The following GLDC variants were observed in gnomAD, a reference collection of about 807,000 sequenced individuals.
GLDC encodes the protein glycine dehydrogenase (decarboxylating), mitochondrial.
In GLDC, 104 loss-of-function variants were observed where a neutral mutation model predicts 121.3. The observed-to-expected ratio is 0.86, with a 90% CI of 0.73 to 1.01. The LOEUF is 1.01. Ranked by LOEUF, GLDC falls within the 50% of genes least tolerant of loss-of-function variation. GLDC has a pLI of 0.00. For missense variants in GLDC, 1,429 were observed against 1,306.6 expected (o/e 1.09, Z -1.44); for synonymous variants, 546 against 480.6 (o/e 1.14, Z -1.78).
intron 8 of GLDC, 121 bp downstream of exon 8, chr9:6,601,988 C>A (rs1818620293): frequency 4.2e-6 from 3 of 714,208 alleles, no homozygotes; most frequent in South Asian, 1.5e-5. Flanking sequence ...AAGATCTTGC[C>A]ATTTCTGGTG....
At chr9:6,542,539 A>C (rs559226902) in intron 21 of GLDC, among the ~76,000 whole-genome samples, 1 of 152,024 alleles carries the variant, frequency 6.6e-6, no homozygotes, top group African/African-American at 2.4e-5. Flanking sequence ...CGCCCAGGCA[A>C]AACATGCTTT....
In GLDC at chr9:6,605,275, A is replaced by C. The variant is rs1436586216; in HGVS notation, c.717T>G (p.Tyr239Ter). The change falls in exon 6 of 25, where the codon TAT (tyrosine) becomes TAG (stop). Residue 239 changes from tyrosine (Y) to a stop codon, truncating the protein, a stop_gained. Coordinates refer to ENST00000321612, the MANE Select transcript of GLDC (RefSeq NM_000170.3). LOFTEE classifies it high-confidence loss of function. ...ACTTCAGCTCAGTGAGGACTCCAGT[A>C]TATCTGGAAAGACAGACAACAAAGA... ...TIAVVQTRAK[Y>*]TGVLTELKLP... The C allele has an allele frequency of 6.2e-7, 1 of 1,613,644 alleles. No homozygotes were observed. Among genetic ancestry groups the C allele is most frequent in the Non-Finnish European group, 8.5e-7 (1 of 1,179,532 alleles).
chr9:6,542,793 G>T (rs1262345705), intron 21 of GLDC, among the ~76,000 whole-genome samples: 1 of 151,242 alleles, frequency 6.6e-6, no homozygotes, highest in Non-Finnish European at 1.5e-5. Flanking sequence ...GGCTGAGGTG[G>T]GAGAATCATT....
At chr9:6,597,138 C>A (rs537525615) in intron 8 of GLDC, among the ~76,000 whole-genome samples, 1 of 152,234 alleles carries the variant, frequency 6.6e-6, no homozygotes, top group South Asian at 2.1e-4. Context: ...ATTGTATGAT[C>A]CCATTTATAT....
chr9:6,594,692 T>C (rs1470418106), intron 9 of GLDC, among the ~76,000 whole-genome samples: 1 of 144,340 alleles, frequency 6.9e-6, no homozygotes, highest in Non-Finnish European at 1.5e-5. Context: ...AAGACTCCAT[T>C]AAGCAAGGAA....
At chr9:6,639,438 G>T in intron 2 of GLDC, 1 of 910,034 alleles carries the variant, frequency 1.1e-6, no homozygotes. Context: ...TGTGTTCATT[G>T]TGGATGTTAA....
intron 4 of GLDC, among the ~76,000 whole-genome samples, chr9:6,606,876 C>A (rs1818745387): frequency 6.6e-6 from 1 of 151,862 alleles, no homozygotes; most frequent in Non-Finnish European, 1.5e-5. Flanking sequence ...AGTTCGAGAC[C>A]AGCCTGGCCA....
At chr9:6,563,254 GGT>G (rs1206989231) in intron 16 of GLDC, among the ~76,000 whole-genome samples, 2 of 152,216 alleles carry the variant, frequency 1.3e-5, no homozygotes, top group African/African-American at 4.8e-5. Flanking sequence ...GCTACTTCCT[GGT>G]GTCAGATTGG....
At position 6,606,543 on chromosome 9, in the gene GLDC, G is replaced by GATGAAC. The variant is rs755753237; in HGVS notation, c.713+43_713+48dup. The GATGAAC allele has an allele frequency of 4.0e-5, 41 of 1,036,778 alleles. No homozygotes were observed. In the South Asian group the frequency reaches 5.2e-4, roughly 13 times the overall value. The allele number at this position is 1,036,778 out of a possible 1,614,324, so 64.2% of individuals were successfully genotyped here. ...GTGAGAAAGAGAAAGAAACAGCAGA[G>GATGAAC]ATGAACATGACATTATACTGAGTTT... On this transcript the variant is annotated intron_variant, in intron 5 of 24. Coordinates refer to ENST00000321612, the MANE Select transcript of GLDC (RefSeq NM_000170.3).
chr9:6,585,388 C>T (rs1172092892), intron 15 of GLDC, among the ~76,000 whole-genome samples: 1 of 152,166 alleles, frequency 6.6e-6, no homozygotes. Flanking sequence ...TCAGAATTCA[C>T]TGAGGTTTGT....
chr9:6,588,367 G>A (rs192006997), intron 14 of GLDC, 34 bp downstream of exon 14: 6 of 1,512,332 alleles, frequency 4.0e-6, no homozygotes, highest in East Asian at 2.3e-5. Context: ...ACTGCCCCTT[G>A]CTGAGTATCC....
intron 8 of GLDC, among the ~76,000 whole-genome samples, chr9:6,598,120 C>T (rs568849378): frequency 6.6e-6 from 1 of 152,116 alleles, no homozygotes; most frequent in Non-Finnish European, 1.5e-5. Flanking sequence ...CCTGGACCTC[C>T]CCAGCTCAAG....
chr9:6,594,511 C>T (rs1219969235), intron 9 of GLDC, among the ~76,000 whole-genome samples: 1 of 152,090 alleles, frequency 6.6e-6, no homozygotes, highest in Non-Finnish European at 1.5e-5. Context: ...GCCTGGAAAA[C>T]ATGGCAAAGC....
Position 6,554,673 on chromosome 9 carries a change from C to T in GLDC, c.2311G>A (p.Gly771Arg), listed in dbSNP as rs386833553. The T allele has an allele frequency of 1.1e-5, 17 of 1,607,430 alleles. No homozygotes were observed. The highest frequency in any genetic ancestry group is 4.0e-5 in the African/African-American group (3 of 74,792). ...AACCAGCAGCCCAGAACTTACACTC[C>T]GATGGGCCCCATGCCAGGACCACCT... ...GGGGPGMGPI[G>R]VKKHLAPFLP... The change falls in exon 19 of 25, where the codon GGA becomes AGA. Residue 771 changes from glycine (G) to arginine (R), a missense_variant. Gly to Arg is a moderately radical substitution (Grantham distance 125, BLOSUM62 -2). Transcript: ENST00000321612.
chr9:6,557,643 A>G (rs1817663385), intron 17 of GLDC: 2 of 152,130 alleles, frequency 1.3e-5, no homozygotes, highest in Admixed American at 1.3e-4. Flanking sequence ...AAAAAAAAAA[A>G]AAAAGAATTC....
At chr9:6,597,218 G>C (rs1179609467) in intron 8 of GLDC, among the ~76,000 whole-genome samples, 1 of 152,192 alleles carries the variant, frequency 6.6e-6, no homozygotes, top group South Asian at 2.1e-4. Flanking sequence ...CTATAGGAAG[G>C]GGAGAGGGAT....
chr9:6,637,957 GAGATT>G (rs1819541529), intron 2 of GLDC, among the ~76,000 whole-genome samples: 1 of 151,056 alleles, frequency 6.6e-6, no homozygotes, highest in Non-Finnish European at 1.5e-5. Flanking sequence ...CCAAAGTGCT[GAGATT>G]ACAGGTGTCA....
chr9:6,546,681 G>A (rs555871881), intron 21 of GLDC, among the ~76,000 whole-genome samples: 2 of 152,020 alleles, frequency 1.3e-5, no homozygotes, highest in South Asian at 2.1e-4. Context: ...AATGATGGGG[G>A]CCAGACGCAG....
Position 6,645,569 on chromosome 9 carries a change from G to T in GLDC, c.-70C>A. On this transcript the variant is annotated 5_prime_UTR_variant, in exon 1 of 25. Transcript: ENST00000321612. ...CGCTCTTGGCCCCTCTCCTGGCCTCGGTCCCCCGGGTGGCGGCTGCGCCCG... is the reference window on the plus strand; with the variant it reads ...CGCTCTTGGCCCCTCTCCTGGCCTCTGTCCCCCGGGTGGCGGCTGCGCCCG... The T allele has an allele frequency of 1.7e-6, 2 of 1,143,646 alleles. No individual in the cohort carries two copies. The highest frequency in any genetic ancestry group is 4.0e-5 in the East Asian group (1 of 25,204). The allele number at this position is 1,143,646 out of a possible 1,614,324, so 70.8% of individuals were successfully genotyped here. A position where few individuals can be genotyped will look rare whatever the true frequency, so the allele number is the denominator to read the frequency against.
Sources: gnomAD v4.1 joint callset for allele counts (sites outside exome capture counted in the v4.1 genomes callset) on GRCh38, gnomAD v4.1.1 for gene constraint, MANE v1.5 for transcripts, NCBI Gene and HGNC (gene_info 2026-07-23, HGNC 2026-07-21) for gene names.